Variants in CRADD observed in about 807,000 individuals in gnomAD.
CRADD encodes the protein death domain-containing protein CRADD.
In CRADD, 9 loss-of-function variants were observed where a neutral mutation model predicts 15.5. That is an observed-to-expected ratio of 0.58 (90% CI 0.35 to 1.01). The LOEUF (loss-of-function observed/expected upper bound fraction) is 1.01. Among genes scored for constraint, CRADD ranks in the 50% least tolerant of loss-of-function variants. The pLI is 0.02. For synonymous variants in CRADD, 118 were observed against 107.6 expected (o/e 1.10, Z -0.60); for missense variants, 227 against 250.3 (o/e 0.91, Z 0.63).
intron 2 of CRADD, among the ~76,000 whole-genome samples, chr12:93,783,674 T>C (rs908095440): frequency 3.3e-5 from 5 of 152,190 alleles, no homozygotes; most frequent in Admixed American, 6.5e-5. Context: ...TTTATGCTTG[T>C]TCTTCAAAAG....
At chr12:93,878,215 G>T (rs1027638186) in intron 2 of CRADD, among the ~76,000 whole-genome samples, 2 of 152,170 alleles carry the variant, frequency 1.3e-5, no homozygotes, top group African/African-American at 4.8e-5. Flanking sequence ...CTACGAGTCT[G>T]CAAGAACCAC....
At chr12:93,767,206 T>A (rs994060684) in intron 2 of CRADD, among the ~76,000 whole-genome samples, 1 of 152,256 alleles carries the variant, frequency 6.6e-6, no homozygotes, top group Non-Finnish European at 1.5e-5. Flanking sequence ...ACAAATTTAT[T>A]TATGATTTGT....
intron 2 of CRADD, among the ~76,000 whole-genome samples, chr12:93,863,596 TTGTGTG>T (rs1157061528): frequency 0.015 from 1,850 of 124,826 alleles, 26 homozygotes; most frequent in Middle Eastern, 0.028. Flanking sequence ...GTGGAGGCAT[TTGTGTG>T]TGTGTGTGTG....
rs142042379 is a variant in CRADD, at chr12:93,678,906, C to T, written c.132C>T (p.Ile44=). Reference sequence around the variant, plus strand: ...TGACGGAAAACCATATTCAAGAAATCAATGCTCAAACCACAGGCCTCCGGA... The same window carrying T: ...TGACGGAAAACCATATTCAAGAAATTAATGCTCAAACCACAGGCCTCCGGA... ...GILTENHIQE[I]NAQTTGLRKT... The change falls in exon 2 of 3, where the codon ATC becomes ATT. Residue 44 remains isoleucine, a synonymous_variant. Coordinates refer to ENST00000332896, the MANE Select transcript of CRADD (RefSeq NM_003805.5). The T allele has an allele frequency of 6.2e-7, 1 of 1,614,170 alleles. No individual in the cohort carries two copies. Among genetic ancestry groups the T allele is most frequent in the South Asian group, 1.1e-5 (1 of 91,078 alleles).
intron 2 of CRADD, among the ~76,000 whole-genome samples, chr12:93,746,375 T>C (rs1488462316): frequency 6.6e-6 from 1 of 152,212 alleles, no homozygotes; most frequent in East Asian, 1.9e-4. Flanking sequence ...ACCTCTCTTT[T>C]CCTCGGTCCA....
chr12:93,738,297 G>A (rs1592949058), intron 2 of CRADD: 2 of 691,010 alleles, frequency 2.9e-6, no homozygotes, highest in Non-Finnish European at 5.3e-6. Flanking sequence ...GGACCTGAAG[G>A]AGGCCCATGA....
intron 2 of CRADD, among the ~76,000 whole-genome samples, chr12:93,779,171 A>G (rs1957172337): frequency 1.3e-5 from 2 of 152,200 alleles, no homozygotes. Context: ...ATGTCTGATC[A>G]ATGTTTCATT....
intron 2 of CRADD, among the ~76,000 whole-genome samples, chr12:93,857,644 A>G (rs1229391898): frequency 1.3e-5 from 2 of 152,208 alleles, no homozygotes; most frequent in Non-Finnish European, 2.9e-5. Flanking sequence ...TTGGCTCACG[A>G]TTCTGCTGAC....
chr12:93,770,240 C>T (rs1350203891), intron 2 of CRADD, among the ~76,000 whole-genome samples: 1 of 151,450 alleles, frequency 6.6e-6, no homozygotes, highest in African/African-American at 2.4e-5. Context: ...GGACTACAGG[C>T]GCCCGCCATC....
At position 93,677,413 on chromosome 12, in the gene CRADD, A is replaced by G. The variant is rs182196993; in HGVS notation, c.-66A>G. 4.6e-5 allele frequency: 7 copies of G among 152,360 alleles called. No individual in the cohort carries two copies. Among genetic ancestry groups the G allele is most frequent in the Admixed American group, 2.0e-4 (3 of 15,308 alleles). 9.4% of individuals were successfully genotyped at this position (152,360 alleles called of 1,614,324 possible). On this transcript the variant is annotated 5_prime_UTR_variant, in exon 1 of 3. It removes the in-frame stop codon of an upstream open reading frame in the 5' UTR. Transcript: ENST00000332896. ...ATGGTGCTTATGGGGCAGGTTCCCT[A>G]ACAGTCAGGATTCCGGTTGCAGTTT...
intron 2 of CRADD, among the ~76,000 whole-genome samples, chr12:93,770,251 A>G (rs1285385036): frequency 1.3e-5 from 2 of 151,262 alleles, no homozygotes; most frequent in East Asian, 1.9e-4. Context: ...GCCCGCCATC[A>G]CGCCCGGCTA....
intron 2 of CRADD, among the ~76,000 whole-genome samples, chr12:93,798,176 G>A (rs1002255825): frequency 1.5e-5 from 2 of 134,194 alleles, no homozygotes; most frequent in Non-Finnish European, 3.2e-5. Context: ...TATAATTCGT[G>A]GGATGACTTT....
At chr12:93,886,100 TCTTTATA>T (rs1958534803) in intron 2 of CRADD, among the ~76,000 whole-genome samples, 1 of 151,684 alleles carries the variant, frequency 6.6e-6, no homozygotes, top group African/African-American at 2.4e-5. Context: ...AAGGAATCAG[TCTTTATA>T]TCTATAAGAT....
At chr12:93,770,542 C>A (rs1393751948) in intron 2 of CRADD, among the ~76,000 whole-genome samples, 1 of 152,200 alleles carries the variant, frequency 6.6e-6, no homozygotes, top group East Asian at 1.9e-4. Flanking sequence ...GCTCAAACAG[C>A]ACTTACCAAA....
chr12:93,852,450 C>T (rs61927295), downstream of CRADD, among the ~76,000 whole-genome samples: 2,065 of 152,326 alleles, frequency 0.014, 13 homozygotes, highest in Non-Finnish European at 0.016. Context: ...CAGACAGGGC[C>T]GAGGGGGCCC....
intron 2 of CRADD, among the ~76,000 whole-genome samples, chr12:93,702,178 G>A (rs1053918251): frequency 5.9e-5 from 9 of 152,148 alleles, no homozygotes; most frequent in African/African-American, 2.2e-4. Flanking sequence ...AGTGCATGCT[G>A]TGAGGGAAGG....
At chr12:93,779,454 T>TATATAGAGGGATTTTTCAAC (rs1161719785) in intron 2 of CRADD, among the ~76,000 whole-genome samples, 13 of 151,892 alleles carry the variant, frequency 8.6e-5, no homozygotes, top group Non-Finnish European at 1.5e-5. Flanking sequence ...GATTTTTCAA[T>TATATAGAGGGATTTTTCAAC]ATATAGAGGG....
intron 2 of CRADD, among the ~76,000 whole-genome samples, chr12:93,835,734 T>C (rs1164738129): frequency 6.6e-6 from 1 of 152,194 alleles, no homozygotes; most frequent in Non-Finnish European, 1.5e-5. Context: ...TTGGAGATTG[T>C]AGATTTTTGG....
At chr12:93,733,934 G>A (rs1416518484) in intron 2 of CRADD, among the ~76,000 whole-genome samples, 1 of 151,960 alleles carries the variant, frequency 6.6e-6, no homozygotes, top group East Asian at 1.9e-4. Context: ...ACAGGGTTTT[G>A]CCATGTTGCC....
Sources: gnomAD v4.1 joint callset for allele counts (sites outside exome capture counted in the v4.1 genomes callset) on GRCh38, gnomAD v4.1.1 for gene constraint, MANE v1.5 for transcripts, NCBI Gene and HGNC (gene_info 2026-07-23, HGNC 2026-07-21) for gene names.